The following SMOC2 variants were observed in gnomAD, a reference collection of about 807,000 sequenced individuals.
SMOC2 encodes SPARC related modular calcium binding 2, also known as SPARC-related modular calcium-binding protein 2.
Under a neutral mutation model 61.4 loss-of-function variants are expected in SMOC2, and 39 were observed. The ratio of observed to expected loss-of-function variants is 0.64; its 90% confidence interval spans 0.49 to 0.83. The LOEUF is 0.83. Ranked by LOEUF, SMOC2 falls within the 40% of genes least tolerant of loss-of-function variation. The pLI, the probability that SMOC2 is intolerant of heterozygous loss-of-function variation, is 0.00. For synonymous variants in SMOC2, 247 were observed against 239.9 expected (o/e 1.03, Z -0.27); for missense variants, 556 against 592.9 (o/e 0.94, Z 0.65).
intron 1 of SMOC2, among the ~76,000 whole-genome samples, chr6:168,444,340 T>TA (rs763720666): frequency 5.2e-4 from 79 of 152,192 alleles, no homozygotes; most frequent in Non-Finnish European, 1.0e-3. Flanking sequence ...GCATTTGTCT[T>TA]ACTCACCTAT....
intron 7 of SMOC2, among the ~76,000 whole-genome samples, chr6:168,562,898 G>A (rs1784453514): frequency 6.6e-6 from 1 of 152,202 alleles, no homozygotes; most frequent in Admixed American, 6.5e-5. Flanking sequence ...ATCAGAAGGA[G>A]GCAGAATCTT....
rs115275910 is a variant in SMOC2, at chr6:168,500,815, G to A, written c.85-9100G>A. On this transcript the variant is annotated intron_variant, in intron 1 of 12. Transcript: ENST00000356284. The stretch of plus-strand genomic sequence containing the variant: ...CACAGTGGCCGCCGAGGACGCACAC[G>A]AGTGCTTCACACTCATCCAGGGGCA... Among the ~76,000 whole-genome samples, 683 of 152,272 alleles carry A rather than the reference G, an allele frequency of 4.5e-3. 5 individuals carry two copies. The highest frequency in any genetic ancestry group is 0.015 in the African/African-American group (636 of 41,564).
rs564298788 is a variant in SMOC2 at position 168,601,246 on chromosome 6, G to T, written c.824+2242G>T. Among the ~76,000 whole-genome samples, 3 of 152,352 alleles carry T rather than the reference G, an allele frequency of 2.0e-5. No individual in the cohort carries two copies. In the South Asian group the frequency reaches 6.2e-4, roughly 32 times the overall value. On this transcript the variant is annotated intron_variant, in intron 8 of 12. Coordinates refer to ENST00000356284, the MANE Select transcript of SMOC2 (RefSeq NM_001166412.2). ...CCACCCATCACCGTCTGGCCCGCTG[G>T]GAGTCCTGCTTTGGGGAGTGTGATG...
At chr6:168,564,954 T>A (rs568489826) in intron 7 of SMOC2, among the ~76,000 whole-genome samples, 4 of 152,342 alleles carry the variant, frequency 2.6e-5, no homozygotes, top group Admixed American at 6.5e-5. Flanking sequence ...CATGTTTTTT[T>A]AAGCTAGTGA....
rs527336670 is a variant in SMOC2 at position 168,503,297 on chromosome 6, C to T, written c.85-6618C>T. Among the ~76,000 whole-genome samples, 10 of 150,870 alleles carry T rather than the reference C, an allele frequency of 6.6e-5. No homozygotes were observed. The East Asian group carries it at 7.9e-4, about 12-fold the overall frequency. The stretch of plus-strand genomic sequence containing the variant: ...TTCAGCATGTTGGCCAGGCTGGTCT[C>T]GAACTCCTGACCTCAGGTGATTTGC... On this transcript the variant is annotated intron_variant, in intron 1 of 12. Coordinates refer to ENST00000356284, the MANE Select transcript of SMOC2 (RefSeq NM_001166412.2).
intron 2 of SMOC2, among the ~76,000 whole-genome samples, chr6:168,518,963 G>A (rs192703628): frequency 1.7e-3 from 258 of 151,462 alleles, no homozygotes; most frequent in Non-Finnish European, 3.2e-3. Context: ...GTGTGTATCC[G>A]TGCACGCGTG....
intron 7 of SMOC2, among the ~76,000 whole-genome samples, chr6:168,583,752 A>G (rs1292750622): frequency 6.6e-6 from 1 of 152,220 alleles, no homozygotes; most frequent in Non-Finnish European, 1.5e-5. Context: ...AAGAGCACCC[A>G]GCCTCTATGG....
chr6:168,577,373 C>A (rs997460587), intron 7 of SMOC2, among the ~76,000 whole-genome samples: 2 of 152,194 alleles, frequency 1.3e-5, no homozygotes, highest in Non-Finnish European at 2.9e-5. Flanking sequence ...TGCTCTCTCT[C>A]TTTTAGTCTC....
intron 7 of SMOC2, among the ~76,000 whole-genome samples, chr6:168,559,053 A>C (rs1282509952): frequency 6.6e-6 from 1 of 152,264 alleles, no homozygotes; most frequent in South Asian, 2.1e-4. Context: ...GACAGGATTA[A>C]TAGGACCAAG....
intron 1 of SMOC2, among the ~76,000 whole-genome samples, chr6:168,487,596 C>G (rs1256686796): frequency 6.6e-6 from 1 of 152,132 alleles, no homozygotes; most frequent in Non-Finnish European, 1.5e-5. Context: ...CCTCCATCTC[C>G]TGGATTGAAG....
chr6:168,647,381 T>G (rs2115268542), intron 9 of SMOC2, among the ~76,000 whole-genome samples: 1 of 152,314 alleles, frequency 6.6e-6, no homozygotes, highest in Middle Eastern at 3.4e-3. Flanking sequence ...AGCGGGCAGC[T>G]TCCCCAGCCT....
chr6:168,599,200 A>G (rs1203427540), intron 8 of SMOC2, among the ~76,000 whole-genome samples, 196 bp downstream of exon 8: 1 of 137,312 alleles, frequency 7.3e-6, no homozygotes, highest in Non-Finnish European at 1.6e-5. Context: ...CTCATACCAC[A>G]CACACACTCA....
intron 12 of SMOC2, 75 bp from the exon 13 acceptor site, chr6:168,666,346 C>T: frequency 6.3e-7 from 1 of 1,584,558 alleles, no homozygotes; most frequent in South Asian, 1.1e-5. Context: ...TTCCCAGAAG[C>T]CAAGCCTTAG....
chr6:168,614,438 C>T (rs1785993206), intron 9 of SMOC2, among the ~76,000 whole-genome samples: 3 of 68,164 alleles, frequency 4.4e-5, no homozygotes, highest in African/African-American at 1.3e-4. Flanking sequence ...AGGGCCTCTT[C>T]ACACCTACAG....
chr6:168,441,634 G>A (rs1261001795), intron 1 of SMOC2, among the ~76,000 whole-genome samples, 180 bp downstream of exon 1: 1 of 152,148 alleles, frequency 6.6e-6, no homozygotes, highest in East Asian at 1.9e-4. Context: ...CAGCGTGCGC[G>A]CCTGGGACCC....
At chr6:168,512,636 G>T (rs946003083) in intron 2 of SMOC2, among the ~76,000 whole-genome samples, 21 of 152,210 alleles carry the variant, frequency 1.4e-4, no homozygotes, top group Non-Finnish European at 2.8e-4. Flanking sequence ...AGTGGGACAG[G>T]TTTGGCAAGC....
rs1160052137 is a variant in SMOC2 at position 168,636,843 on chromosome 6, GCCTCCTGCCTCCCTCCTCCCGCCTCCCT to G, written c.908-13832_908-13805del. 4.2e-4 allele frequency among the ~76,000 whole-genome samples: 61 copies of G among 145,698 alleles called. 1 individual carries two copies. The East Asian group carries it at 7.4e-3, about 18-fold the overall frequency. On this transcript the variant is annotated intron_variant, in intron 9 of 12. Transcript: ENST00000356284. ...GGCCCTGGCCATCAGTGGGGAATAT[GCCTCCTGCCTCCCTCCTCCCGCCTCCCT>G]CCTCCCGCCTCCCTCCTCCCACCTC...
chr6:168,633,770 A>G (rs759119339), intron 9 of SMOC2, among the ~76,000 whole-genome samples: 12 of 152,226 alleles, frequency 7.9e-5, no homozygotes, highest in Admixed American at 4.6e-4. Flanking sequence ...TTGTATAGAG[A>G]GAGTATGTGG....
chr6:168,599,594 CATA>C (rs1785468501), intron 8 of SMOC2, among the ~76,000 whole-genome samples: 1 of 134,980 alleles, frequency 7.4e-6, no homozygotes, highest in African/African-American at 3.0e-5. Context: ...CACACCCACA[CATA>C]CCCCCACACA....
Sources: gnomAD v4.1 joint callset for allele counts (sites outside exome capture counted in the v4.1 genomes callset) on GRCh38, gnomAD v4.1.1 for gene constraint, MANE v1.5 for transcripts, NCBI Gene and HGNC (gene_info 2026-07-23, HGNC 2026-07-21) for gene names.